NNMT: variants seen among roughly 807,000 people sequenced by gnomAD.
NNMT encodes the protein nicotinamide N-methyltransferase.
A neutral mutation model predicts 11.7 loss-of-function variants in NNMT; 10 were observed. The ratio of observed to expected loss-of-function variants is 0.85; its 90% CI spans 0.53 to 1.45. The LOEUF (loss-of-function observed/expected upper bound fraction) is 1.45, where lower values mean the gene tolerates loss of function less well. Ranked by LOEUF, NNMT falls within the 40% of genes most tolerant of loss-of-function variation. NNMT has a pLI of 0.00. For synonymous variants in NNMT, 143 were observed against 133.8 expected (o/e 1.07, Z -0.48); for missense variants, 381 against 319.4 (o/e 1.19, Z -1.47).
intron 2 of NNMT, among the ~76,000 whole-genome samples, chr11:114,302,139 T>A (rs1945444881): frequency 1.3e-5 from 2 of 152,312 alleles, no homozygotes; most frequent in Admixed American, 1.3e-4. Flanking sequence ...TTAGTCCATT[T>A]ACATTTAATG....
intron 2 of NNMT, among the ~76,000 whole-genome samples, chr11:114,280,698 G>A (rs945854215): frequency 3.9e-5 from 6 of 152,142 alleles, no homozygotes; most frequent in African/African-American, 1.4e-4. Context: ...GGGAAAAGGA[G>A]GAACAAGGAC....
upstream of NNMT, among the ~76,000 whole-genome samples, chr11:114,292,994 G>T (rs12294458): frequency 2.3e-3 from 352 of 152,186 alleles, 2 homozygotes; most frequent in African/African-American, 8.2e-3. Flanking sequence ...TACTGTTAAG[G>T]CCATTTTACT....
intron 2 of NNMT, among the ~76,000 whole-genome samples, chr11:114,305,631 G>A (rs1159760691): frequency 2.6e-5 from 4 of 151,834 alleles, no homozygotes; most frequent in Non-Finnish European, 5.9e-5. Flanking sequence ...AGTTTGCTCA[G>A]AATGATGGTT....
At chr11:114,266,418 C>T (rs1211281081) in intron 2 of NNMT, among the ~76,000 whole-genome samples, 2 of 152,114 alleles carry the variant, frequency 1.3e-5, no homozygotes, top group Admixed American at 6.5e-5. Context: ...CCTTTCTGAC[C>T]GTCTTCTTCC....
intron 2 of NNMT, among the ~76,000 whole-genome samples, chr11:114,271,369 C>A (rs1257126597): frequency 6.6e-6 from 1 of 152,150 alleles, no homozygotes; most frequent in African/African-American, 2.4e-5. Context: ...GTGTCTGGCA[C>A]TAAGTACCAC....
Position 114,280,911 on chromosome 11 carries a change from C to T in NNMT, c.-129-15517C>T, listed in dbSNP as rs367743664. 1.9e-3 allele frequency among the ~76,000 whole-genome samples: 296 copies of T among 152,248 alleles called. 4 individuals are homozygous for T. The highest frequency in any genetic ancestry group is 6.7e-3 in the African/African-American group (279 of 41,550). ...CACTCCTGTTCTCCCAGATCCTGAC[C>T]ACTGAATGAGGGAACCAGGAAGAGG... On this transcript the variant is annotated intron_variant, in intron 2 of 4. Coordinates refer to the NNMT transcript ENST00000535401.
At chr11:114,298,394 G>A (rs1183311955) in intron 2 of NNMT, 1 of 508,884 alleles carries the variant, frequency 2.0e-6, no homozygotes, top group African/African-American at 1.9e-5. Context: ...TTGAAGAAAT[G>A]GATACTGAGC....
intron 2 of NNMT, among the ~76,000 whole-genome samples, chr11:114,284,788 T>TTTTTG (rs1945285932): frequency 7.4e-6 from 1 of 134,580 alleles, no homozygotes; most frequent in Admixed American, 7.5e-5. Context: ...TTTTTTTTTT[T>TTTTTG]GAGCAGAGTA....
intron 2 of NNMT, among the ~76,000 whole-genome samples, chr11:114,271,085 C>A (rs1242974628): frequency 6.6e-6 from 1 of 152,084 alleles, no homozygotes. Context: ...CTCCGAATGA[C>A]CTTTGTAAAG....
chr11:114,281,050 C>T (rs1181543114), intron 2 of NNMT, among the ~76,000 whole-genome samples: 1 of 152,220 alleles, frequency 6.6e-6, no homozygotes, highest in Admixed American at 6.5e-5. Context: ...GACCTGCTGG[C>T]CCAGGGTCCC....
chr11:114,260,894 G>A (rs1261706306), intron 1 of NNMT, among the ~76,000 whole-genome samples: 3 of 152,286 alleles, frequency 2.0e-5, no homozygotes, highest in Non-Finnish European at 4.4e-5. Context: ...GCTGTGCACC[G>A]CGTGACCTTC....
Position 114,312,465 on chromosome 11 carries a change from C to A in NNMT, c.783C>A (p.Ser261Arg). 2 of 1,613,258 alleles carry A rather than the reference C, an allele frequency of 1.2e-6. No homozygotes were observed. The highest frequency in any genetic ancestry group is 1.7e-6 in the Non-Finnish European group (2 of 1,179,552). The change falls in exon 3 of 3, where the codon AGC becomes AGA. Residue 261 changes from serine (S) to arginine (R), a missense_variant. Ser to Arg is a moderately radical substitution (Grantham distance 110). Transcript: ENST00000299964. ...GLFSLVARKL[S>R]RPL ...TCTCCCTGGTGGCGAGGAAGCTGAG[C>A]AGACCCCTGTGATGCCTGTGACCTC...
chr11:114,300,227 A>G (rs1945425748), intron 2 of NNMT, among the ~76,000 whole-genome samples: 1 of 152,036 alleles, frequency 6.6e-6, no homozygotes, highest in Non-Finnish European at 1.5e-5. Context: ...CACTGTTTTA[A>G]CTGCATCCCA....
chr11:114,259,703 AC>A (rs1012657420), intron 1 of NNMT, among the ~76,000 whole-genome samples: 29 of 81,570 alleles, frequency 3.6e-4, no homozygotes, highest in African/African-American at 1.3e-3. Flanking sequence ...GTGAAAGTGA[AC>A]TCGCTCATTT....
rs1208128746 is a variant in NNMT at position 114,312,279 on chromosome 11, C to T, written c.597C>T (p.Leu199=). 1 of 1,614,188 alleles carries T rather than the reference C, an allele frequency of 6.2e-7. No homozygotes were observed. ...PGGFLVIMDA[L]KSSYYMIGEQ... is the part of the protein sequence containing the mutation. ...GCTTCCTGGTGATCATGGATGCGCT[C>T]AAGAGCAGCTACTACATGATTGGTG... Residue 199 remains leucine, a synonymous_variant, in exon 3 of 3, where the codon CTC becomes CTT. Coordinates refer to ENST00000299964, the MANE Select transcript of NNMT (RefSeq NM_006169.3).
At chr11:114,281,220 TG>T (rs1217612714) in intron 2 of NNMT, among the ~76,000 whole-genome samples, 1 of 152,110 alleles carries the variant, frequency 6.6e-6, no homozygotes, top group East Asian at 1.9e-4. Flanking sequence ...TTGCAGCAGA[TG>T]GGGCACAATT....
At chr11:114,306,957 C>A (rs1021760758) in intron 2 of NNMT, among the ~76,000 whole-genome samples, 6 of 152,190 alleles carry the variant, frequency 3.9e-5, no homozygotes, top group Admixed American at 1.3e-4. Context: ...AACTAGTGAA[C>A]CACTTCTATT....
chr11:114,271,310 A>G (rs1945168276), intron 2 of NNMT, among the ~76,000 whole-genome samples: 1 of 152,206 alleles, frequency 6.6e-6, no homozygotes, highest in African/African-American at 2.4e-5. Context: ...ACCAAATTAT[A>G]CAATATAATC....
At chr11:114,306,380 T>G (rs1005233758) in intron 2 of NNMT, among the ~76,000 whole-genome samples, 4 of 152,224 alleles carry the variant, frequency 2.6e-5, no homozygotes, top group African/African-American at 9.6e-5. Flanking sequence ...ATTTTGGCTT[T>G]TGTTGCTATT....
Sources: gnomAD v4.1 joint callset for allele counts (sites outside exome capture counted in the v4.1 genomes callset) on GRCh38, gnomAD v4.1.1 for gene constraint, MANE v1.5 for transcripts, NCBI Gene and HGNC (gene_info 2026-07-23, HGNC 2026-07-21) for gene names.